The following TAFA4 variants were observed in gnomAD, a reference collection of about 807,000 sequenced individuals.
TAFA4 encodes the protein chemokine-like protein TAFA-4.
In TAFA4, 20 loss-of-function variants were observed where a neutral mutation model predicts 21.1. The observed-to-expected ratio is 0.95, with a 90% CI of 0.67 to 1.38. The LOEUF (loss-of-function observed/expected upper bound fraction) is 1.38, where lower values mean the gene tolerates loss of function less well. Among genes scored for constraint, TAFA4 ranks in the 40% most tolerant of loss-of-function variants. TAFA4 has a pLI of 0.00. For missense variants in TAFA4, 211 were observed against 180.9 expected, an observed-to-expected ratio of 1.17 and a Z score of -0.95; for synonymous variants, 71 against 67.4, an observed-to-expected ratio of 1.05 and a Z score of -0.26.
intron 3 of TAFA4, among the ~76,000 whole-genome samples, chr3:68,839,614 TA>T (rs1453484315): frequency 6.6e-6 from 1 of 152,202 alleles, no homozygotes; most frequent in Non-Finnish European, 1.5e-5. Context: ...CTGAGAAACG[TA>T]AACCTGTCTC....
intron 3 of TAFA4, among the ~76,000 whole-genome samples, chr3:68,809,744 C>T (rs1227955684): frequency 6.6e-6 from 1 of 152,032 alleles, no homozygotes; most frequent in Non-Finnish European, 1.5e-5. Flanking sequence ...TGGTGTGAGA[C>T]GAGAATCTAA....
intron 3 of TAFA4, among the ~76,000 whole-genome samples, chr3:68,850,968 A>T (rs1231127789): frequency 6.6e-6 from 1 of 152,132 alleles, no homozygotes; most frequent in Non-Finnish European, 1.5e-5. Flanking sequence ...ATGCCTATGT[A>T]CTGAATGGTA....
At chr3:68,771,674 CAGA>C (rs1254773864) in intron 3 of TAFA4, among the ~76,000 whole-genome samples, 5 of 152,138 alleles carry the variant, frequency 3.3e-5, no homozygotes, top group Non-Finnish European at 1.5e-5. Context: ...TTTACTAATG[CAGA>C]AGAAGTTTAG....
In TAFA4 at chr3:68,743,084, T is replaced by C. The variant is rs571869763; in HGVS notation, c.287-3885A>G. 2.6e-5 allele frequency among the ~76,000 whole-genome samples: 4 copies of C among 152,346 alleles called. No individual in the cohort carries two copies. The East Asian group carries it at 7.7e-4, about 29-fold the overall frequency. ...CATTGTACCCGATTCTGGCCGAATATACTGAGCTACTATCTAGTGATATCC... is the reference window on the plus strand; with the variant it reads ...CATTGTACCCGATTCTGGCCGAATACACTGAGCTACTATCTAGTGATATCC... On this transcript the variant is annotated intron_variant, in intron 4 of 5. Coordinates refer to ENST00000295569, the MANE Select transcript of TAFA4 (RefSeq NM_182522.5).
At chr3:68,738,771 G>C (rs184507267) in intron 5 of TAFA4, among the ~76,000 whole-genome samples, 1 of 152,270 alleles carries the variant, frequency 6.6e-6, no homozygotes, top group Admixed American at 6.5e-5. Context: ...ATGGTGTTTT[G>C]ATACATTGGC....
chr3:68,804,465 G>A (rs1703644650), intron 3 of TAFA4, among the ~76,000 whole-genome samples: 1 of 152,000 alleles, frequency 6.6e-6, no homozygotes, highest in Admixed American at 6.6e-5. Context: ...AGTTCATATA[G>A]AACCAAAAAA....
rs746528039 is a variant in TAFA4 at position 68,733,146 on chromosome 3, C to A, written c.419G>T (p.Arg140Leu). 46 of 1,612,998 alleles carry A rather than the reference C, an allele frequency of 2.9e-5. No homozygotes were observed. The highest frequency in any genetic ancestry group is 3.6e-5 in the Non-Finnish European group (43 of 1,179,398). Residue 140 changes from arginine to leucine, a missense_variant, in exon 6 of 6, where the codon CGG becomes CTG. Arg to Leu is a moderately radical substitution (Grantham distance 102). Transcript: ENST00000295569. Reference protein sequence around the residue: ...GNKVKTTKVTR With the variant: ...GNKVKTTKVTL ...TGAAGCACACCTCTCTCTTCGCTAC[C>A]GCGTTACCTAAAACAAATCAAAATA...
intron 4 of TAFA4, among the ~76,000 whole-genome samples, chr3:68,748,471 G>A (rs373380222): frequency 6.6e-5 from 10 of 152,152 alleles, no homozygotes; most frequent in Non-Finnish European, 1.2e-4. Flanking sequence ...GGCCGGGTGC[G>A]GTGGCTCATG....
At chr3:68,760,447 A>G (rs1450787935) in intron 3 of TAFA4, among the ~76,000 whole-genome samples, 1 of 152,184 alleles carries the variant, frequency 6.6e-6, no homozygotes, top group African/African-American at 2.4e-5. Flanking sequence ...CAGATTAGGG[A>G]GACTTTCTTT....
At chr3:68,791,622 A>T (rs1703362339) in intron 3 of TAFA4, among the ~76,000 whole-genome samples, 1 of 152,240 alleles carries the variant, frequency 6.6e-6, no homozygotes, top group Non-Finnish European at 1.5e-5. Context: ...ACTTAAAGAC[A>T]AAGAAAATAA....
At chr3:68,741,608 C>T (rs1167799729) in intron 4 of TAFA4, among the ~76,000 whole-genome samples, 1 of 151,904 alleles carries the variant, frequency 6.6e-6, no homozygotes, top group Admixed American at 6.6e-5. Flanking sequence ...TCCTGGATAA[C>T]AATGTGAAAC....
chr3:68,813,792 G>C (rs967559145), intron 3 of TAFA4, among the ~76,000 whole-genome samples: 12 of 152,060 alleles, frequency 7.9e-5, no homozygotes, highest in Admixed American at 6.6e-5. Flanking sequence ...TAGAAAAAGA[G>C]GGAATCCTCC....
chr3:68,769,353 G>A (rs1702911334), intron 3 of TAFA4, among the ~76,000 whole-genome samples: 1 of 152,126 alleles, frequency 6.6e-6, no homozygotes, highest in Non-Finnish European at 1.5e-5. Context: ...TCATTATACA[G>A]TACAATGTAA....
chr3:68,743,308 C>T (rs566169392), intron 4 of TAFA4, among the ~76,000 whole-genome samples: 14 of 152,132 alleles, frequency 9.2e-5, no homozygotes, highest in African/African-American at 3.4e-4. Flanking sequence ...AGGCATGGTA[C>T]CTCACACCTG....
At chr3:68,919,693 T>C (rs894762732) in intron 1 of TAFA4, among the ~76,000 whole-genome samples, 6 of 152,206 alleles carry the variant, frequency 3.9e-5, no homozygotes, top group Admixed American at 1.3e-4. Flanking sequence ...AGCAAGAAGT[T>C]TGGAACATTT....
intron 3 of TAFA4, among the ~76,000 whole-genome samples, chr3:68,878,456 G>T (rs1165398325): frequency 1.3e-5 from 2 of 152,148 alleles, no homozygotes; most frequent in Non-Finnish European, 2.9e-5. Context: ...TTCCACAGGA[G>T]TTGAGTTTCT....
intron 3 of TAFA4, among the ~76,000 whole-genome samples, chr3:68,859,176 A>T (rs181834625): frequency 8.5e-5 from 13 of 152,296 alleles, no homozygotes; most frequent in African/African-American, 3.1e-4. Flanking sequence ...CAAACAAAAC[A>T]TATCTGTGGG....
chr3:68,826,311 C>T (rs904362646), intron 3 of TAFA4, among the ~76,000 whole-genome samples: 5 of 152,260 alleles, frequency 3.3e-5, no homozygotes, highest in African/African-American at 1.2e-4. Flanking sequence ...TGGTGGCTCA[C>T]GCCTGTAATC....
At chr3:68,817,768 T>C (rs1419596626) in intron 3 of TAFA4, among the ~76,000 whole-genome samples, 1 of 152,156 alleles carries the variant, frequency 6.6e-6, no homozygotes, top group Admixed American at 6.6e-5. Context: ...TCTCTTTTTT[T>C]TCTGGGCAGT....
Sources: gnomAD v4.1 joint callset for allele counts (sites outside exome capture counted in the v4.1 genomes callset) on GRCh38, gnomAD v4.1.1 for gene constraint, MANE v1.5 for transcripts, NCBI Gene and HGNC (gene_info 2026-07-23, HGNC 2026-07-21) for gene names.